The following AGBL1 variants were observed in gnomAD, a reference collection of about 807,000 sequenced individuals.
AGBL1 encodes the protein cytosolic carboxypeptidase 4.
A neutral mutation model predicts 118.9 loss-of-function variants in AGBL1; 130 were observed. That is an observed-to-expected ratio of 1.09 (90% confidence interval 0.95 to 1.26). The LOEUF is 1.26. Among genes scored for constraint, AGBL1 ranks in the 50% most tolerant of loss-of-function variants. The pLI is 0.00. For missense variants in AGBL1, 1,584 were observed against 1,298.1 expected (o/e 1.22, Z -3.38); for synonymous variants, 555 against 478.9 (o/e 1.16, Z -2.08).
chr15:86,447,697 AAT>A (rs1281957445), intron 18 of AGBL1, among the ~76,000 whole-genome samples: 1 of 152,220 alleles, frequency 6.6e-6, no homozygotes, highest in African/African-American at 2.4e-5. Context: ...ACTAGATTCT[AAT>A]AATACTTACT....
chr15:86,106,496 C>T (rs916908195), intron 1 of AGBL1, among the ~76,000 whole-genome samples: 1 of 152,166 alleles, frequency 6.6e-6, no homozygotes, highest in African/African-American at 2.4e-5. Context: ...CAATTTTGCC[C>T]CCAGGGGATG....
intron 17 of AGBL1, among the ~76,000 whole-genome samples, chr15:86,301,331 T>C (rs2079741541): frequency 1.3e-5 from 2 of 152,110 alleles, no homozygotes; most frequent in South Asian, 4.2e-4. Context: ...TGAGCTGGAC[T>C]ATCTAGGTTA....
chr15:86,790,715 C>A (rs893864902), intron 22 of AGBL1, among the ~76,000 whole-genome samples: 2 of 151,976 alleles, frequency 1.3e-5, no homozygotes, highest in Non-Finnish European at 2.9e-5. Context: ...CAGGACTGCT[C>A]CCTCTTCATC....
At position 86,110,118 on chromosome 15, in the gene AGBL1, A is replaced by G. The variant is rs558267378; in HGVS notation, c.51+30095A>G. On this transcript the variant is annotated intron_variant, in intron 1 of 22. Coordinates refer to ENST00000614907, the MANE Select transcript of AGBL1 (RefSeq NM_001386094.1). ...GAATCCCATGCAAGTGAGGGACTCC[A>G]AAGCTTTAGCTGCGTAAGATTTATG... is the stretch of plus-strand genomic sequence containing the variant. Among the ~76,000 whole-genome samples, 58 of 152,356 alleles carry G rather than the reference A, an allele frequency of 3.8e-4. No homozygotes were observed. In the South Asian group the frequency reaches 5.0e-3, roughly 13 times the overall value.
rs373537041 is a variant in AGBL1, at chr15:86,186,227, C to T, written c.488+27201C>T. On this transcript the variant is annotated intron_variant, in intron 5 of 22. Coordinates refer to ENST00000614907, the MANE Select transcript of AGBL1 (RefSeq NM_001386094.1). Reference sequence around the variant, plus strand: ...AACAGGCGCTGGGACTTGCAGGGGGCGGGGCATGGGGAGGGAGGGTATCAG... The same window carrying T: ...AACAGGCGCTGGGACTTGCAGGGGGTGGGGCATGGGGAGGGAGGGTATCAG... 5.8e-5 allele frequency among the ~76,000 whole-genome samples: 8 copies of T among 136,924 alleles called. No homozygotes were observed. The East Asian group carries it at 7.6e-4, about 13-fold the overall frequency. The allele number at this position is 136,924 out of a possible 152,430, so 89.8% of individuals were successfully genotyped here. A position where few individuals can be genotyped will look rare whatever the true frequency, so the allele number is the denominator to read the frequency against.
chr15:86,300,719 G>T (rs2079731996), intron 17 of AGBL1, among the ~76,000 whole-genome samples: 1 of 152,170 alleles, frequency 6.6e-6, no homozygotes, highest in African/African-American at 2.4e-5. Context: ...TTTCCAGGGG[G>T]CCTGAGGTGG....
At chr15:87,001,903 A>G (rs1178276863) in intron 24 of AGBL1, among the ~76,000 whole-genome samples, 1 of 152,068 alleles carries the variant, frequency 6.6e-6, no homozygotes, top group Non-Finnish European at 1.5e-5. Flanking sequence ...ACTAGGTTGC[A>G]AAAATTTTCT....
At chr15:86,843,232 C>A (rs958720454) in intron 22 of AGBL1, among the ~76,000 whole-genome samples, 8 of 152,116 alleles carry the variant, frequency 5.3e-5, no homozygotes, top group Admixed American at 4.6e-4. Context: ...CACATTGGAT[C>A]AGCAAGACTT....
intron 20 of AGBL1, among the ~76,000 whole-genome samples, chr15:86,548,521 C>G (rs931996109): frequency 4.8e-4 from 73 of 152,188 alleles, no homozygotes; most frequent in African/African-American, 1.6e-3. Flanking sequence ...AGCATTTATT[C>G]TTGAAAATTG....
chr15:86,158,761 T>C (rs991589144), intron 4 of AGBL1, among the ~76,000 whole-genome samples, 172 bp from the exon 5 acceptor site: 3 of 152,042 alleles, frequency 2.0e-5, no homozygotes, highest in Admixed American at 2.0e-4. Flanking sequence ...ACCTTAGTCA[T>C]GGGAGACCCG....
chr15:86,512,353 T>C (rs1220288669), intron 18 of AGBL1, among the ~76,000 whole-genome samples: 5 of 151,976 alleles, frequency 3.3e-5, no homozygotes, highest in African/African-American at 1.2e-4. Context: ...TGATAAGAAT[T>C]TGTCTATACC....
chr15:86,711,324 T>C (rs954395120), intron 22 of AGBL1, among the ~76,000 whole-genome samples: 4 of 152,184 alleles, frequency 2.6e-5, no homozygotes, highest in Non-Finnish European at 4.4e-5. Flanking sequence ...AATGAAAGCC[T>C]TTTGGTAAAT....
rs1330025181 is a variant in AGBL1, at chr15:86,561,739, T to C, written c.2994+7202T>C. On this transcript the variant is annotated intron_variant, in intron 21 of 22. Coordinates refer to ENST00000614907, the MANE Select transcript of AGBL1 (RefSeq NM_001386094.1). ...GATGACATTGAATCTATAAGTTACC[T>C]TGGGCAATATGGCCATTTTCATGAC... Among the ~76,000 whole-genome samples the C allele has an allele frequency of 5.3e-5, 8 of 152,364 alleles. 1 individual carries two copies. In the East Asian group the frequency reaches 1.5e-3, roughly 29 times the overall value.
intron 17 of AGBL1, among the ~76,000 whole-genome samples, chr15:86,332,923 A>T (rs2080298213): frequency 6.6e-6 from 1 of 152,200 alleles, no homozygotes; most frequent in Non-Finnish European, 1.5e-5. Flanking sequence ...GAAATTGAAC[A>T]ACTTGCTCCT....
intron 22 of AGBL1, among the ~76,000 whole-genome samples, chr15:86,840,939 T>G (rs1359792851): frequency 6.6e-6 from 1 of 152,190 alleles, no homozygotes; most frequent in Non-Finnish European, 1.5e-5. Context: ...ATCTTTCTAC[T>G]GCAACTCACA....
At chr15:86,210,184 G>A (rs1004335600) in intron 5 of AGBL1, among the ~76,000 whole-genome samples, 2 of 152,274 alleles carry the variant, frequency 1.3e-5, no homozygotes, top group South Asian at 4.1e-4. Flanking sequence ...CAGGAGATCC[G>A]CTGTTAGTCT....
intron 23 of AGBL1, among the ~76,000 whole-genome samples, chr15:86,944,025 C>G (rs879517): frequency 1.3e-5 from 2 of 151,946 alleles, no homozygotes; most frequent in African/African-American, 4.8e-5. Flanking sequence ...AAAAAGTATG[C>G]CTAAGATAAA....
chr15:86,251,408 T>A (rs978155765), intron 7 of AGBL1, among the ~76,000 whole-genome samples: 1 of 152,180 alleles, frequency 6.6e-6, no homozygotes, highest in Non-Finnish European at 1.5e-5. Flanking sequence ...GGCCTGAGAA[T>A]GTGCTTTCCT....
chr15:86,548,169 A>T (rs780167316), intron 20 of AGBL1, among the ~76,000 whole-genome samples: 1 of 152,172 alleles, frequency 6.6e-6, no homozygotes, highest in Non-Finnish European at 1.5e-5. Context: ...TATCATCATG[A>T]TATCTACCAG....
Sources: allele counts gnomAD v4.1 joint callset (sites outside exome capture counted in the v4.1 genomes callset), GRCh38; gene constraint gnomAD v4.1.1; transcripts MANE v1.5; gene names NCBI Gene and HGNC (gene_info 2026-07-23, HGNC 2026-07-21).